TMEM72: variants seen among roughly 807,000 people sequenced by gnomAD.
TMEM72 encodes the protein kidney-specific secretory protein of 37 kDa.
Under a neutral mutation model 16.3 loss-of-function variants are expected in TMEM72, and 9 were observed. That is an observed-to-expected ratio of 0.55 (90% confidence interval 0.33 to 0.96). The LOEUF (loss-of-function observed/expected upper bound fraction) is 0.96, where lower values mean the gene tolerates loss of function less well. Ranked by LOEUF, TMEM72 falls within the 40% of genes least tolerant of loss-of-function variation. The pLI, the probability that TMEM72 is intolerant of heterozygous loss-of-function variation, is 0.03. For synonymous variants in TMEM72, 160 were observed against 146.5 expected (o/e 1.09, Z -0.66); for missense variants, 324 against 337.8 (o/e 0.96, Z 0.32).
At chr10:44,926,686 A>T (rs892225302) in intron 1 of TMEM72, among the ~76,000 whole-genome samples, 8 of 152,272 alleles carry the variant, frequency 5.3e-5, no homozygotes, top group African/African-American at 1.9e-4. Context: ...GCGGAGCCCC[A>T]GAGCCCTCCA....
At position 44,935,092 on chromosome 10, in the gene TMEM72, C is replaced by T; in HGVS notation, c.786C>T (p.Ala262=). 6 of 1,609,236 alleles carry T rather than the reference C, an allele frequency of 3.7e-6. No individual in the cohort carries two copies. The highest frequency in any genetic ancestry group is 5.1e-6 in the Non-Finnish European group (6 of 1,177,696). The change falls in exon 5 of 5, where the codon GCC becomes GCT. Residue 262 remains alanine, a synonymous_variant. Coordinates refer to ENST00000389583, the MANE Select transcript of TMEM72 (RefSeq NM_001123376.3). ...DTTPIIPPPQ[A]PLFLSSLTAT... ...CACCCATCATTCCCCCTCCCCAGGC[C>T]CCACTCTTCCTGTCATCTCTTACAG...
rs1840377891 is a variant in TMEM72 at position 44,935,100 on chromosome 10, T to C, written c.794T>C (p.Phe265Ser). The C allele has an allele frequency of 1.2e-6, 2 of 1,606,096 alleles. No individual in the cohort carries two copies. The highest frequency in any genetic ancestry group is 1.7e-5 in the Admixed American group (1 of 59,318). The change falls in exon 5 of 5, where the codon TTC becomes TCC. Residue 265 changes from phenylalanine (F) to serine (S), a missense_variant. Transcript: ENST00000389583. ...ATTCCCCCTCCCCAGGCCCCACTCT[T>C]CCTGTCATCTCTTACAGCCACCGGC... The part of the protein sequence containing the change: ...PIIPPPQAPL[F>S]LSSLTATGLF
chr10:44,934,528 G>A, intron 4 of TMEM72, 128 bp from the exon 5 acceptor site: 1 of 923,174 alleles, frequency 1.1e-6, no homozygotes, highest in South Asian at 1.9e-5. Flanking sequence ...AAGAGGGCCA[G>A]GGCCACAGGG....
At chr10:44,934,227 C>CT (rs35231957) in intron 4 of TMEM72, among the ~76,000 whole-genome samples, 119,692 of 152,066 alleles carry the variant, frequency 0.79, 47,987 homozygotes, top group African/African-American at 0.91. Context: ...TTCCACTTCA[C>CT]GGGTGCATAC....
intron 1 of TMEM72, among the ~76,000 whole-genome samples, chr10:44,927,392 TGTC>T (rs1840213009): frequency 6.6e-6 from 1 of 152,108 alleles, no homozygotes; most frequent in Non-Finnish European, 1.5e-5. Context: ...AACATTTTCT[TGTC>T]AGAGAAAAAC....
chr10:44,911,523 A>C lies in TMEM72; in HGVS notation c.11A>C (p.Gln4Pro). 3 of 1,551,128 alleles carry C rather than the reference A, an allele frequency of 1.9e-6. No individual in the cohort carries two copies. The highest frequency in any genetic ancestry group is 2.6e-6 in the Non-Finnish European group (3 of 1,147,126). ...CTCACCCCTGGCACCATGCAGCTCC[A>C]GGTGTTCTGGACTGGGCTGGAATAC... is the stretch of plus-strand genomic sequence containing the variant. Reference protein sequence around the residue: MQLQVFWTGLEYTC... With the variant: MQLPVFWTGLEYTC... Residue 4 changes from glutamine to proline, a missense_variant, in exon 1 of 5, where the codon CAG becomes CCG. Transcript: ENST00000389583.
intron 1 of TMEM72, among the ~76,000 whole-genome samples, chr10:44,915,569 A>G (rs1840001977): frequency 6.6e-6 from 1 of 152,120 alleles, no homozygotes; most frequent in Non-Finnish European, 1.5e-5. Flanking sequence ...GTCCCATAGT[A>G]TTTTGATGAC....
Position 44,934,972 on chromosome 10 carries a change from G to A in TMEM72, c.666G>A (p.Val222=), listed in dbSNP as rs754975609. 20 of 1,613,974 alleles carry A rather than the reference G, an allele frequency of 1.2e-5. No homozygotes were observed. Among genetic ancestry groups the A allele is most frequent in the Non-Finnish European group, 1.6e-5 (19 of 1,180,040 alleles). Residue 222 remains valine, a synonymous_variant, in exon 5 of 5, where the codon GTG becomes GTA. Transcript: ENST00000389583. ...PADSLAKKKQ[V]HFEDNLVRIV... ...ACTCCCTGGCCAAGAAGAAGCAGGT[G>A]CACTTTGAAGACAACTTGGTCCGCA... is the stretch of plus-strand genomic sequence containing the variant.
At chr10:44,926,064 C>T (rs1395456696) in intron 1 of TMEM72, among the ~76,000 whole-genome samples, 1 of 151,804 alleles carries the variant, frequency 6.6e-6, no homozygotes, top group African/African-American at 2.4e-5. Context: ...TATATAATCA[C>T]ACTCACATTC....
At chr10:44,913,458 A>G (rs1839967191) in intron 1 of TMEM72, among the ~76,000 whole-genome samples, 2 of 152,018 alleles carry the variant, frequency 1.3e-5, no homozygotes, top group African/African-American at 4.8e-5. Context: ...GCACGCACAC[A>G]CACACACACA....
At chr10:44,931,477 G>A (rs1343510788) in intron 2 of TMEM72, among the ~76,000 whole-genome samples, 2 of 152,208 alleles carry the variant, frequency 1.3e-5, no homozygotes, top group Non-Finnish European at 2.9e-5. Context: ...CCTGGGGTAA[G>A]TGAGGAAGTG....
chr10:44,921,742 G>A (rs1025945534), intron 1 of TMEM72, among the ~76,000 whole-genome samples: 12 of 152,220 alleles, frequency 7.9e-5, no homozygotes, highest in African/African-American at 2.2e-4. Context: ...TGGAAGGCCA[G>A]AGCGCAGGCT....
intron 1 of TMEM72, among the ~76,000 whole-genome samples, chr10:44,919,667 T>C (rs1554800196): frequency 1.3e-5 from 2 of 152,234 alleles, no homozygotes; most frequent in Non-Finnish European, 2.9e-5. Flanking sequence ...ATCTTGTTGA[T>C]GGGTCAGAAG....
chr10:44,925,059 A>G (rs563850124), intron 1 of TMEM72, among the ~76,000 whole-genome samples: 1 of 152,354 alleles, frequency 6.6e-6, no homozygotes, highest in South Asian at 2.1e-4. Context: ...CCAAGCAATG[A>G]CTGTGAGTTG....
At chr10:44,916,592 C>A (rs116640634) in intron 1 of TMEM72, among the ~76,000 whole-genome samples, 99 of 152,254 alleles carry the variant, frequency 6.5e-4, no homozygotes, top group African/African-American at 2.3e-3. Flanking sequence ...CCCATGACCA[C>A]CTCCTGCTGT....
chr10:44,929,773 G>A (rs1329128353), intron 2 of TMEM72, among the ~76,000 whole-genome samples: 1 of 152,208 alleles, frequency 6.6e-6, no homozygotes, highest in Non-Finnish European at 1.5e-5. Context: ...CACCAGCATG[G>A]CCTCGCCTCC....
chr10:44,931,701 G>T (rs1840299642), intron 2 of TMEM72: 1 of 445,196 alleles, frequency 2.2e-6, no homozygotes, highest in Non-Finnish European at 4.1e-6. Flanking sequence ...GTGACCAGCA[G>T]GTAGAAGGAT....
chr10:44,916,996 C>T lies in TMEM72; in HGVS notation c.70+5414C>T, dbSNP rs143310971. On this transcript the variant is annotated intron_variant, in intron 1 of 4. Coordinates refer to ENST00000389583, the MANE Select transcript of TMEM72 (RefSeq NM_001123376.3). Reference sequence around the variant, plus strand: ...CATGTCCCATAGTATTTTGATGACCCCAAGATGCAGGATGCAGTCCAGTCC... The same window carrying T: ...CATGTCCCATAGTATTTTGATGACCTCAAGATGCAGGATGCAGTCCAGTCC... Among the ~76,000 whole-genome samples, 1,498 of 152,216 alleles carry T rather than the reference C, an allele frequency of 9.8e-3. 6 individuals are homozygous for T. The highest frequency in any genetic ancestry group is 0.012 in the Non-Finnish European group (827 of 68,014).
At chr10:44,933,908 A>G (rs1840348405) in intron 4 of TMEM72, 132 bp downstream of exon 4, 1 of 1,174,564 alleles carries the variant, frequency 8.5e-7, no homozygotes, top group African/African-American at 1.5e-5. Flanking sequence ...TCTCTGACCT[A>G]GAGGGTGGAC....
Sources: gnomAD v4.1 joint callset for allele counts (sites outside exome capture counted in the v4.1 genomes callset) on GRCh38, gnomAD v4.1.1 for gene constraint, MANE v1.5 for transcripts, NCBI Gene and HGNC (gene_info 2026-07-23, HGNC 2026-07-21) for gene names.